The following ERAP2 variants were observed in gnomAD, a reference collection of about 807,000 sequenced individuals.
ERAP2 encodes endoplasmic reticulum aminopeptidase 2, also known as leukocyte-derived arginine aminopeptidase.
Under a neutral mutation model 111.1 loss-of-function variants are expected in ERAP2, and 118 were observed. That is an observed-to-expected ratio of 1.06 (90% CI 0.92 to 1.24). The LOEUF (loss-of-function observed/expected upper bound fraction) is 1.24. Ranked by LOEUF, ERAP2 falls within the 50% of genes most tolerant of loss-of-function variation. The pLI, the probability that ERAP2 is intolerant of heterozygous loss-of-function variation, is 0.00. For missense variants in ERAP2, 1,131 were observed against 1,125.8 expected (o/e 1.00, Z -0.07); for synonymous variants, 410 against 401.2 (o/e 1.02, Z -0.26).
In ERAP2 at chr5:96,918,137, G is replaced by T. The variant is rs539079486; in HGVS notation, c.*532G>T. ...GCATGATGATGGAGTGGTGGGGGAAGGCCAGTTCAGTATCCTATTTAAAAG... is the reference window on the plus strand; with the variant it reads ...GCATGATGATGGAGTGGTGGGGGAATGCCAGTTCAGTATCCTATTTAAAAG... On this transcript the variant is annotated 3_prime_UTR_variant, in exon 19 of 19. Transcript: ENST00000437043. 6.6e-6 allele frequency: 1 copy of T among 152,440 alleles called. No homozygotes were observed. The highest frequency in any genetic ancestry group is 1.5e-5 in the Non-Finnish European group (1 of 68,132). The allele number at this position is 152,440 out of a possible 1,614,324, so 9.4% of individuals were successfully genotyped here. A position where few individuals can be genotyped will look rare whatever the true frequency, so the allele number is the denominator to read the frequency against.
intron 13 of ERAP2, among the ~76,000 whole-genome samples, chr5:96,904,322 T>C (rs1294687119): frequency 6.6e-6 from 1 of 152,202 alleles, no homozygotes; most frequent in African/African-American, 2.4e-5. Context: ...ATATTGTGCA[T>C]TGCAAGCTTT....
At chr5:96,887,757 AAG>A (rs1200517028) in intron 4 of ERAP2, among the ~76,000 whole-genome samples, 1 of 152,266 alleles carries the variant, frequency 6.6e-6, no homozygotes, top group African/African-American at 2.4e-5. Flanking sequence ...ATAAATAAAA[AAG>A]AACTTCTTAT....
intron 7 of ERAP2, 135 bp downstream of exon 7, chr5:96,895,494 C>A (rs547480897): frequency 1.5e-6 from 1 of 670,512 alleles, no homozygotes; most frequent in Non-Finnish European, 2.6e-6. Context: ...TTGTTTGATA[C>A]ACGAAACAGA....
chr5:96,914,544 G>A lies in ERAP2; in HGVS notation c.2657+1087G>A, dbSNP rs186826909. Among the ~76,000 whole-genome samples, 196 of 152,322 alleles carry A rather than the reference G, an allele frequency of 1.3e-3. 1 individual carries two copies. The highest frequency in any genetic ancestry group is 4.6e-3 in the African/African-American group (190 of 41,580). On this transcript the variant is annotated intron_variant, in intron 17 of 18. Transcript: ENST00000437043. ...ATGATTGTCATTTTCCTCCTGAAAT[G>A]ATCAGCCTTAATCTACAATGCTGTG...
At chr5:96,904,610 T>G (rs972139902) in intron 13 of ERAP2, among the ~76,000 whole-genome samples, 1 of 152,200 alleles carries the variant, frequency 6.6e-6, no homozygotes, top group African/African-American at 2.4e-5. Context: ...GCATGAAAGG[T>G]GAGCTAAGAA....
chr5:96,912,377 A>G (rs1039239901), intron 15 of ERAP2, among the ~76,000 whole-genome samples: 1 of 151,940 alleles, frequency 6.6e-6, no homozygotes, highest in Admixed American at 6.6e-5. Flanking sequence ...TCAACTTTCT[A>G]TTTTCACCTC....
Position 96,902,309 on chromosome 5 carries a change from G to A in ERAP2, c.1784G>A (p.Ser595Asn), listed in dbSNP as rs1192928597. 1 of 1,612,572 alleles carries A rather than the reference G, an allele frequency of 6.2e-7. No individual in the cohort carries two copies. The highest frequency in any genetic ancestry group is 8.5e-7 in the Non-Finnish European group (1 of 1,178,782). ...LWHIPLTYST[S>N]SSNVIHRHIL... ...CATATCCCATTGACCTACTCCACGA[G>A]TTCTTCTAATGTGATCCACAGACAC... The change falls in exon 12 of 19, where the codon AGT becomes AAT. Residue 595 changes from serine (S) to asparagine (N), a missense_variant. By Grantham distance (46) the Ser-to-Asn change is conservative (BLOSUM62 1). This residue lies in a region of ERAP2 where 847 missense variants were observed against 856.5 expected (regional missense o/e 0.99). Transcript: ENST00000437043.
At chr5:96,886,464 G>C (rs987440289) in intron 3 of ERAP2, among the ~76,000 whole-genome samples, 191 bp from the exon 4 acceptor site, 2 of 152,224 alleles carry the variant, frequency 1.3e-5, no homozygotes, top group Non-Finnish European at 2.9e-5. Context: ...GTTTTCAACA[G>C]AGTGTTGGGG....
Position 96,902,259 on chromosome 5 carries a change from T to C in ERAP2, c.1749-15T>C, listed in dbSNP as rs761629064. On this transcript the variant is annotated splice_polypyrimidine_tract_variant and intron_variant, in intron 11 of 18. Coordinates refer to ENST00000437043, the MANE Select transcript of ERAP2 (RefSeq NM_022350.5). ...CATTCTTTTGGTCTGTAACTATCTTTACTCTCTGTCATAGGTACCTGTGGC... is the reference window on the plus strand; with the variant it reads ...CATTCTTTTGGTCTGTAACTATCTTCACTCTCTGTCATAGGTACCTGTGGC... The C allele has an allele frequency of 3.2e-6, 5 of 1,561,714 alleles. No individual in the cohort carries two copies. The South Asian group carries it at 4.4e-5, about 14-fold the overall frequency.
chr5:96,900,069 C>A (rs1246331563), intron 9 of ERAP2, 52 bp from the exon 10 acceptor site: 8 of 1,607,088 alleles, frequency 5.0e-6, no homozygotes, highest in South Asian at 3.3e-5. Flanking sequence ...TGTGCACGTT[C>A]AGCCAACTAA....
In ERAP2 at chr5:96,889,267, A is replaced by G. The variant is rs1784080760; in HGVS notation, c.932A>G (p.Glu311Gly). The G allele has an allele frequency of 1.2e-6, 2 of 1,613,860 alleles. No individual in the cohort carries two copies. The highest frequency in any genetic ancestry group is 2.7e-5 in the African/African-American group (2 of 74,914). Reference protein sequence around the residue: ...QASLKLLDFYEKYFDIYYPLS... With the variant: ...QASLKLLDFYGKYFDIYYPLS... ...TCACTGAAGCTACTTGATTTTTATG[A>G]AAAGTACTTTGATATCTACTATCCA... is the stretch of plus-strand genomic sequence containing the variant. The change falls in exon 5 of 19, where the codon GAA becomes GGA. Residue 311 changes from glutamate to glycine, a missense_variant. This residue lies in a region of ERAP2 where 847 missense variants were observed against 856.5 expected (regional missense o/e 0.99). Coordinates refer to ENST00000437043, the MANE Select transcript of ERAP2 (RefSeq NM_022350.5).
At position 96,915,696 on chromosome 5, in the gene ERAP2, T is replaced by C; in HGVS notation, c.2666T>C (p.Leu889Ser). ...TTTCTTTTTATTTTCAGATTTGACT[T>C]GGGCTCATATGACATAAGGATGATC... The part of the protein sequence containing the change: ...NWTHLLKKFD[L>S]GSYDIRMIIS... Residue 889 changes from leucine to serine, a missense_variant, in exon 18 of 19, where the codon TTG (leucine) becomes TCG (serine). Physicochemically the swap from Leu to Ser is moderately radical, Grantham distance 145. This residue lies in a region of ERAP2 where 279 missense variants were observed against 250.9 expected (regional missense o/e 1.11). Coordinates refer to ENST00000437043, the MANE Select transcript of ERAP2 (RefSeq NM_022350.5). The C allele has an allele frequency of 6.5e-7, 1 of 1,535,784 alleles. No homozygotes were observed. The highest frequency in any genetic ancestry group is 8.7e-7 in the Non-Finnish European group (1 of 1,143,182).
At chr5:96,889,648 C>T (rs947856230) in intron 5 of ERAP2, among the ~76,000 whole-genome samples, 10 of 152,116 alleles carry the variant, frequency 6.6e-5, no homozygotes, top group Non-Finnish European at 1.3e-4. Context: ...AGAAGGAACA[C>T]AGTGACTGCT....
intron 2 of ERAP2, chr5:96,881,039 C>A (rs930200461): frequency 2.3e-5 from 4 of 172,320 alleles, no homozygotes; most frequent in African/African-American, 7.2e-5. Context: ...GGGGCAAGTG[C>A]TCTAAAGTGG....
chr5:96,887,100 TACACACAC>T lies in ERAP2; in HGVS notation c.849+331_849+338del, dbSNP rs137875303. ...ATATATATATATATATATATATATA[TACACACAC>T]ACACACACACACACACACATACATA... On this transcript the variant is annotated intron_variant, in intron 4 of 18. Coordinates refer to ENST00000437043, the MANE Select transcript of ERAP2 (RefSeq NM_022350.5). 3.5e-3 allele frequency among the ~76,000 whole-genome samples: 478 copies of T among 137,384 alleles called. 7 individuals carry two copies. Among genetic ancestry groups the T allele is most frequent in the Admixed American group, 0.022 (305 of 13,892 alleles). 90.1% of individuals were successfully genotyped at this position (137,384 alleles called of 152,430 possible). A position where few individuals can be genotyped will look rare whatever the true frequency, so the allele number is the denominator to read the frequency against.
Position 96,903,553 on chromosome 5 carries a change from C to T in ERAP2, c.2005C>T (p.Leu669=), listed in dbSNP as rs111517642. ...AGGTCTGATTCATGATGTGTTTCAG[C>T]TAGTTGGGTAAGGCAACATTTCCTC... ...RVGLIHDVFQ[L]VGAGRLTLDK... Residue 669 remains leucine (L), a synonymous_variant, in exon 13 of 19, where the codon CTA becomes TTA. Transcript: ENST00000437043. 5.6e-6 allele frequency: 9 copies of T among 1,595,394 alleles called. No individual in the cohort carries two copies. Among genetic ancestry groups the T allele is most frequent in the Non-Finnish European group, 7.7e-6 (9 of 1,173,042 alleles).
Position 96,900,178 on chromosome 5 carries a change from A to G in ERAP2, c.1561A>G (p.Thr521Ala), listed in dbSNP as rs369303905. The G allele has an allele frequency of 1.9e-6, 3 of 1,613,738 alleles. No homozygotes were observed. The African/African-American group carries it at 4.0e-5, about 22-fold the overall frequency. The change falls in exon 10 of 19, where the codon ACA becomes GCA. Residue 521 changes from threonine (T) to alanine (A), a missense_variant. Thr to Ala is a moderately conservative substitution (Grantham distance 58). Transcript: ENST00000437043. Reference protein sequence around the residue: ...GGVCHSDPKMTSNMLAFLGEN... With the variant: ...GGVCHSDPKMASNMLAFLGEN... ...AGTTTGTCATTCGGATCCCAAGATG[A>G]CAAGTAACATGGTAAGGATAAAGAG... is the stretch of plus-strand genomic sequence containing the variant.
chr5:96,881,415 A>G, intron 2 of ERAP2: 1 of 456,166 alleles, frequency 2.2e-6, no homozygotes, highest in South Asian at 1.5e-5. Flanking sequence ...TGAGGGAAAT[A>G]GAAGAATCAA....
intron 6 of ERAP2, among the ~76,000 whole-genome samples, chr5:96,892,915 T>C (rs1408515910): frequency 6.6e-6 from 1 of 152,244 alleles, no homozygotes; most frequent in Non-Finnish European, 1.5e-5. Flanking sequence ...GATGGGTTGA[T>C]GATCCTGGGC....
Sources: gnomAD v4.1 joint callset for allele counts (sites outside exome capture counted in the v4.1 genomes callset) on GRCh38, gnomAD v4.1.1 for gene constraint, gnomAD v4.1.1 regional missense constraint, MANE v1.5 for transcripts, NCBI Gene and HGNC (gene_info 2026-07-23, HGNC 2026-07-21) for gene names.